The following KDM4C variants were observed in gnomAD, a reference collection of about 807,000 sequenced individuals.
KDM4C encodes the protein lysine-specific demethylase 4C.
KDM4C carries 81 observed loss-of-function variants against 129.3 expected under a neutral mutation model. The ratio of observed to expected loss-of-function variants is 0.63; its 90% CI spans 0.52 to 0.75. The LOEUF (loss-of-function observed/expected upper bound fraction) is 0.75. Among genes scored for constraint, KDM4C ranks in the 30% least tolerant of loss-of-function variants. The pLI is 0.00. For synonymous variants in KDM4C, 573 were observed against 456.1 expected, an observed-to-expected ratio of 1.26 and a Z score of -3.26; for missense variants, 1,457 against 1,304.0, an observed-to-expected ratio of 1.12 and a Z score of -1.81.
At chr9:6,883,490 A>G (rs926229000) in intron 6 of KDM4C, among the ~76,000 whole-genome samples, 3 of 152,242 alleles carry the variant, frequency 2.0e-5, no homozygotes, top group African/African-American at 7.2e-5. Flanking sequence ...TAATTTCTTA[A>G]CAATTTGATG....
In KDM4C at chr9:6,919,223, C is replaced by CTTCTTTCTTTCTTTCTTTCTTTCTTTCT. The variant is rs1554643688; in HGVS notation, c.921+26017_921+26018insCTTTCTTTCTTTCTTTCTTTCTTTCTTT. 1.8e-3 allele frequency among the ~76,000 whole-genome samples: 198 copies of CTTCTTTCTTTCTTTCTTTCTTTCTTTCT among 108,992 alleles called. 1 individual carries two copies. The highest frequency in any genetic ancestry group is 5.7e-3 in the African/African-American group (186 of 32,736). The allele number at this position is 108,992 out of a possible 152,430, so 71.5% of individuals were successfully genotyped here. ...TTACAGATTCTGAATTTTCTTTTTC[C>CTTCTTTCTTTCTTTCTTTCTTTCTTTCT]TTCTTTCTTTCTTTCTTTCTTTCTT... On this transcript the variant is annotated intron_variant, in intron 8 of 21. Transcript: ENST00000381309.
At chr9:7,099,004 G>T (rs545302673) in intron 17 of KDM4C, among the ~76,000 whole-genome samples, 1 of 152,224 alleles carries the variant, frequency 6.6e-6, no homozygotes, top group African/African-American at 2.4e-5. Flanking sequence ...AGTGATGTCC[G>T]TTGAGCCAAA....
At chr9:6,740,665 C>T (rs748330150) in intron 1 of KDM4C, among the ~76,000 whole-genome samples, 36 of 152,014 alleles carry the variant, frequency 2.4e-4, no homozygotes, top group Non-Finnish European at 1.9e-4. Flanking sequence ...ATTACAGGCG[C>T]GCGCCACCAC....
At chr9:6,737,056 A>G (rs1817547896) in intron 1 of KDM4C, among the ~76,000 whole-genome samples, 1 of 151,300 alleles carries the variant, frequency 6.6e-6, no homozygotes. Flanking sequence ...GTCTCAAAAA[A>G]AAAAAAAAAA....
intron 19 of KDM4C, among the ~76,000 whole-genome samples, chr9:7,150,852 A>C (rs1380402241): frequency 2.0e-5 from 3 of 152,166 alleles, no homozygotes; most frequent in Non-Finnish European, 4.4e-5. Context: ...AATCTCACCT[A>C]TTTCTAATAT....
intron 1 of KDM4C, among the ~76,000 whole-genome samples, chr9:6,777,173 C>T (rs553294449): frequency 2.6e-5 from 4 of 152,246 alleles, no homozygotes; most frequent in South Asian, 4.1e-4. Flanking sequence ...TCAATTTAGG[C>T]AGCTATCTGG....
At chr9:7,021,662 G>A (rs894061070) in intron 15 of KDM4C, among the ~76,000 whole-genome samples, 2 of 152,136 alleles carry the variant, frequency 1.3e-5, no homozygotes, top group African/African-American at 4.8e-5. Flanking sequence ...TAAACTTGAT[G>A]TGATCCCATT....
At chr9:6,920,132 C>A (rs1249987762) in intron 8 of KDM4C, among the ~76,000 whole-genome samples, 1 of 151,850 alleles carries the variant, frequency 6.6e-6, no homozygotes, top group Non-Finnish European at 1.5e-5. Flanking sequence ...TTTTTATGGA[C>A]AATTTGGTGG....
At chr9:6,892,934 C>T (rs1415152788) in intron 7 of KDM4C, among the ~76,000 whole-genome samples, 161 bp from the exon 8 acceptor site, 1 of 152,064 alleles carries the variant, frequency 6.6e-6, no homozygotes, top group Non-Finnish European at 1.5e-5. Context: ...TGAAAAAGCA[C>T]TATTAAAGGA....
intron 1 of KDM4C, among the ~76,000 whole-genome samples, chr9:6,722,459 G>C (rs6477105): frequency 0.35 from 52,985 of 151,618 alleles, 9,561 homozygotes; most frequent in African/African-American, 0.45. Flanking sequence ...GGGCAGATCT[G>C]TTGAGCTCAG....
intron 3 of KDM4C, among the ~76,000 whole-genome samples, chr9:6,813,380 T>G (rs1041104408): frequency 2.6e-5 from 4 of 152,182 alleles, no homozygotes; most frequent in African/African-American, 9.7e-5. Context: ...GTGTTCTGGG[T>G]AAATTCAAAT....
chr9:6,965,445 G>C (rs1160712328), intron 8 of KDM4C, among the ~76,000 whole-genome samples: 1 of 152,034 alleles, frequency 6.6e-6, no homozygotes, highest in African/African-American at 2.4e-5. Context: ...AGTTTGTTAG[G>C]GTTCTCCAGA....
At chr9:6,852,599 T>G (rs765142026) in intron 5 of KDM4C, among the ~76,000 whole-genome samples, 1 of 152,200 alleles carries the variant, frequency 6.6e-6, no homozygotes, top group Non-Finnish European at 1.5e-5. Flanking sequence ...GAGCTGTATC[T>G]CCCCTTCAGT....
At chr9:7,126,010 T>C (rs544352272) in intron 18 of KDM4C, among the ~76,000 whole-genome samples, 7 of 152,216 alleles carry the variant, frequency 4.6e-5, no homozygotes, top group Non-Finnish European at 7.3e-5. Context: ...ACTATAGCCT[T>C]ATCTTGAAAA....
At chr9:7,143,772 G>C (rs1841978018) in intron 19 of KDM4C, among the ~76,000 whole-genome samples, 2 of 152,256 alleles carry the variant, frequency 1.3e-5, no homozygotes, top group Middle Eastern at 3.4e-3. Context: ...TAAATAGATT[G>C]ATTCATTATC....
rs926587504 is a variant in KDM4C, at chr9:7,142,808, T to C, written c.2781+14572T>C. Among the ~76,000 whole-genome samples, 4 of 152,230 alleles carry C rather than the reference T, an allele frequency of 2.6e-5. No individual in the cohort carries two copies. In the South Asian group the frequency reaches 8.3e-4, roughly 32 times the overall value. The stretch of plus-strand genomic sequence containing the variant: ...CACATCTGGAAATCACCGTCTCACC[T>C]GCTTCTCATATATCCTCCCAGGATT... On this transcript the variant is annotated intron_variant, in intron 19 of 21. Transcript: ENST00000381309.
chr9:6,788,131 C>T (rs1416107658), intron 1 of KDM4C, among the ~76,000 whole-genome samples: 1 of 152,174 alleles, frequency 6.6e-6, no homozygotes, highest in Non-Finnish European at 1.5e-5. Context: ...GAAGTACCTT[C>T]CCTTGCCTAC....
At position 6,799,434 on chromosome 9, in the gene KDM4C, G is replaced by A. The variant is rs1404813264; in HGVS notation, c.145-6165G>A. ...ACGAAAACCAGTCAGGAGTGGCGGC[G>A]CGCGTCTGCAATCGCAGGCACTCTG... On this transcript the variant is annotated intron_variant, in intron 2 of 21. Transcript: ENST00000381309. Among the ~76,000 whole-genome samples the A allele has an allele frequency of 3.3e-5, 5 of 152,136 alleles. No homozygotes were observed. The East Asian group carries it at 5.8e-4, about 18-fold the overall frequency.
intron 17 of KDM4C, among the ~76,000 whole-genome samples, chr9:7,070,450 A>G (rs143927414): frequency 1.5e-3 from 225 of 152,300 alleles, no homozygotes; most frequent in African/African-American, 5.2e-3. Flanking sequence ...ACCCATATTC[A>G]TCATGAATAT....
Sources: gnomAD v4.1 joint callset for allele counts (sites outside exome capture counted in the v4.1 genomes callset) on GRCh38, gnomAD v4.1.1 for gene constraint, MANE v1.5 for transcripts, NCBI Gene and HGNC (gene_info 2026-07-23, HGNC 2026-07-21) for gene names.